ZFP1: variants seen among roughly 807,000 people sequenced by gnomAD.
The protein encoded by ZFP1 is zinc finger protein 1 homolog.
A neutral mutation model predicts 38.5 loss-of-function variants in ZFP1; 32 were observed. That is an observed-to-expected ratio of 0.83 (90% CI 0.63 to 1.12). The LOEUF (loss-of-function observed/expected upper bound fraction) is 1.12. Ranked by LOEUF, ZFP1 falls within the 50% of genes most tolerant of loss-of-function variation. The pLI, the probability that ZFP1 is intolerant of heterozygous loss-of-function variation, is 0.00. For synonymous variants in ZFP1, 245 were observed against 168.8 expected (o/e 1.45, Z -3.50); for missense variants, 616 against 480.8 (o/e 1.28, Z -2.63).
chr16:75,148,718 C>A (rs951839295), intron 1 of ZFP1, 75 bp downstream of exon 1: 1 of 152,276 alleles, frequency 6.6e-6, no homozygotes, highest in African/African-American at 2.4e-5. Context: ...GGCTCGTGCC[C>A]GCGCAGGGTG....
intron 2 of ZFP1, among the ~76,000 whole-genome samples, chr16:75,155,919 T>A (rs1468952743): frequency 6.6e-6 from 1 of 152,240 alleles, no homozygotes; most frequent in Non-Finnish European, 1.5e-5. Flanking sequence ...ATCTTTTGTC[T>A]AATTGGTGGA....
chr16:75,158,243 A>G (rs982047496), intron 2 of ZFP1, among the ~76,000 whole-genome samples: 5 of 151,738 alleles, frequency 3.3e-5, no homozygotes, highest in Admixed American at 1.3e-4. Context: ...TTTTTGAGAC[A>G]GGGTCTTCCT....
intron 3 of ZFP1, among the ~76,000 whole-genome samples, chr16:75,168,936 C>A (rs904421423): frequency 3.3e-5 from 5 of 152,198 alleles, no homozygotes; most frequent in Admixed American, 3.3e-4. Flanking sequence ...CCCTCCCTGG[C>A]ATTGCCAGCC....
At chr16:75,140,891 G>A in the ZFP1 span, among the ~76,000 whole-genome samples, 9 of 152,050 alleles carry the variant, frequency 5.9e-5, no homozygotes, top group South Asian at 2.1e-4. Context: ...TCCGGGAGGC[G>A]GAGCTTGCAG....
chr16:75,155,476 A>G (rs980552430), intron 2 of ZFP1, among the ~76,000 whole-genome samples: 1 of 152,200 alleles, frequency 6.6e-6, no homozygotes, highest in African/African-American at 2.4e-5. Context: ...CATATCTTTG[A>G]AGTATTTCCA....
the ZFP1 span, among the ~76,000 whole-genome samples, chr16:75,119,787 G>A: frequency 6.6e-6 from 1 of 151,670 alleles, no homozygotes; most frequent in East Asian, 1.9e-4. Flanking sequence ...TATCTGACTT[G>A]ATCAAATACA....
At chr16:75,130,502 A>G in the ZFP1 span, among the ~76,000 whole-genome samples, 1 of 152,106 alleles carries the variant, frequency 6.6e-6, no homozygotes, top group Non-Finnish European at 1.5e-5. Context: ...AGAAGGTCAT[A>G]TATCTCTTAA....
the ZFP1 span, among the ~76,000 whole-genome samples, chr16:75,130,396 G>C: frequency 6.6e-6 from 1 of 152,176 alleles, no homozygotes; most frequent in Non-Finnish European, 1.5e-5. Flanking sequence ...ATGGTCAGTG[G>C]CCTGCTAGCG....
chr16:75,139,526 T>G, the ZFP1 span, among the ~76,000 whole-genome samples: 2 of 151,906 alleles, frequency 1.3e-5, no homozygotes, highest in Non-Finnish European at 2.9e-5. Flanking sequence ...ACCCCATCTC[T>G]ACCAAAAATA....
chr16:75,146,782 T>C (rs7195199), upstream of ZFP1, among the ~76,000 whole-genome samples: 81,386 of 151,344 alleles, frequency 0.54, 22,461 homozygotes, highest in East Asian at 0.72. Context: ...CTACAAAAAA[T>C]ACAAAAAATT....
At chr16:75,148,907 C>G (rs2037025933) in intron 1 of ZFP1, 1 of 152,032 alleles carries the variant, frequency 6.6e-6, no homozygotes. Flanking sequence ...TCAGGAGATG[C>G]GCCTCAGACG....
At chr16:75,122,966 ATAAG>A in the ZFP1 span, among the ~76,000 whole-genome samples, 91 of 152,328 alleles carry the variant, frequency 6.0e-4, no homozygotes, top group Admixed American at 1.7e-3. Flanking sequence ...TTAAAATAAA[ATAAG>A]TAAATATTAT....
chr16:75,157,486 C>T (rs547047941), intron 2 of ZFP1, among the ~76,000 whole-genome samples: 19 of 152,060 alleles, frequency 1.2e-4, no homozygotes, highest in Admixed American at 4.6e-4. Flanking sequence ...TCAAGTGATA[C>T]GCCCTCCTCA....
the ZFP1 span, among the ~76,000 whole-genome samples, chr16:75,142,673 C>G: frequency 2.6e-5 from 4 of 152,162 alleles, no homozygotes; most frequent in South Asian, 8.3e-4. Flanking sequence ...TATTGCAATT[C>G]TTGCTTCCCA....
the ZFP1 span, among the ~76,000 whole-genome samples, chr16:75,120,037 T>C: frequency 6.6e-6 from 1 of 152,272 alleles, no homozygotes; most frequent in South Asian, 2.1e-4. Context: ...CAATTTGTCC[T>C]AGCTGAAATA....
intron 2 of ZFP1, among the ~76,000 whole-genome samples, chr16:75,155,076 C>T (rs370964194): frequency 1.2e-4 from 19 of 152,102 alleles, no homozygotes; most frequent in African/African-American, 3.6e-4. Context: ...TGATTACAAG[C>T]GTAAGTCACT....
chr16:75,161,473 A>G (rs1014725995), intron 2 of ZFP1, among the ~76,000 whole-genome samples: 1 of 151,558 alleles, frequency 6.6e-6, no homozygotes. Context: ...TTGTAGCCCT[A>G]CAGTGATTGC....
At chr16:75,124,530 T>C in the ZFP1 span, among the ~76,000 whole-genome samples, 1 of 147,550 alleles carries the variant, frequency 6.8e-6, no homozygotes, top group Non-Finnish European at 1.5e-5. Context: ...ACGCCTGTAA[T>C]CCCAGCACTT....
chr16:75,150,277 C>A (rs1200431356), intron 1 of ZFP1, among the ~76,000 whole-genome samples: 5 of 148,652 alleles, frequency 3.4e-5, no homozygotes, highest in Admixed American at 1.3e-4. Context: ...AGCGAGATCT[C>A]GGCTCACTGC....
Sources: gnomAD v4.1 joint callset for allele counts (sites outside exome capture counted in the v4.1 genomes callset) on GRCh38, gnomAD v4.1.1 for gene constraint, MANE v1.5 for transcripts, NCBI Gene and HGNC (gene_info 2026-07-23, HGNC 2026-07-21) for gene names.